NRG4: variants seen among roughly 807,000 people sequenced by gnomAD.
NRG4 encodes the protein neuregulin 4, also known as pro-neuregulin-4, membrane-bound isoform.
NRG4 carries 10 observed loss-of-function variants against 15.0 expected under a neutral mutation model. The ratio of observed to expected loss-of-function variants is 0.67; its 90% confidence interval spans 0.41 to 1.13. NRG4 has a LOEUF of 1.13. Among genes scored for constraint, NRG4 ranks in the 50% most tolerant of loss-of-function variants. The pLI is 0.00. For missense variants in NRG4, 139 were observed against 140.2 expected (o/e 0.99, Z 0.04); for synonymous variants, 41 against 50.1 (o/e 0.82, Z 0.77).
chr15:75,949,495 T>C (rs1202563977), intron 5 of NRG4, among the ~76,000 whole-genome samples: 1 of 152,202 alleles, frequency 6.6e-6, no homozygotes, highest in African/African-American at 2.4e-5. Flanking sequence ...CCTTTATCCA[T>C]CTTTTATATC....
At chr15:76,015,183 T>C (rs334948), upstream of NRG4, among the ~76,000 whole-genome samples, 2,083 of 152,230 alleles carry the variant, frequency 0.014, 46 homozygotes, top group African/African-American at 0.047. Context: ...GATTTTTGCA[T>C]ACTGATTTTG....
At chr15:75,963,820 G>A (rs572690586) in intron 3 of NRG4, among the ~76,000 whole-genome samples, 15 of 150,974 alleles carry the variant, frequency 9.9e-5, no homozygotes, top group East Asian at 3.9e-4. Flanking sequence ...GGTTGTACCC[G>A]TAGTCCCAGC....
At chr15:75,967,370 T>C (rs1461183006) in intron 3 of NRG4, among the ~76,000 whole-genome samples, 2 of 151,970 alleles carry the variant, frequency 1.3e-5, no homozygotes, top group African/African-American at 4.8e-5. Context: ...CACATTTATA[T>C]GACATTAGCA....
chr15:75,976,833 T>C (rs2033386662), intron 3 of NRG4, among the ~76,000 whole-genome samples: 1 of 152,238 alleles, frequency 6.6e-6, no homozygotes, highest in East Asian at 1.9e-4. Flanking sequence ...GGTGGCAGTC[T>C]GTCCCTTAGC....
intron 5 of NRG4, among the ~76,000 whole-genome samples, chr15:76,029,465 A>G (rs930033738): frequency 1.3e-5 from 2 of 152,198 alleles, no homozygotes; most frequent in Non-Finnish European, 2.9e-5. Context: ...GGGCATCCAA[A>G]TTAGAAAGGA....
intron 5 of NRG4, chr15:75,945,933 A>G (rs2031475264): frequency 6.6e-6 from 1 of 152,234 alleles, no homozygotes; most frequent in African/African-American, 2.4e-5. Flanking sequence ...TAAGATTAGC[A>G]ATAACTAATA....
At chr15:75,935,710 G>A (rs865856311), downstream of NRG4, 5 of 151,592 alleles carry the variant, frequency 3.3e-5, no homozygotes, top group African/African-American at 9.7e-5. Flanking sequence ...AGCAAAAGAC[G>A]TGCAACTGGT....
At chr15:76,049,129 T>C (rs1431094204) in intron 4 of NRG4, among the ~76,000 whole-genome samples, 1 of 150,700 alleles carries the variant, frequency 6.6e-6, no homozygotes, top group African/African-American at 2.5e-5. Context: ...TCAACCAGCC[T>C]AGTTACTTTT....
At chr15:75,989,295 A>G (rs2033918711) in intron 3 of NRG4, among the ~76,000 whole-genome samples, 2 of 152,122 alleles carry the variant, frequency 1.3e-5, no homozygotes, top group Non-Finnish European at 2.9e-5. Context: ...ATCTGGTTTC[A>G]GTTTACTTTT....
At chr15:75,999,736 A>G (rs922827666) in intron 3 of NRG4, among the ~76,000 whole-genome samples, 10 of 152,218 alleles carry the variant, frequency 6.6e-5, no homozygotes, top group African/African-American at 2.4e-4. Flanking sequence ...CTTAAAACAT[A>G]TACATAATCC....
At chr15:76,056,245 C>T (rs528628878) in intron 2 of NRG4, among the ~76,000 whole-genome samples, 8 of 151,994 alleles carry the variant, frequency 5.3e-5, no homozygotes, top group South Asian at 2.1e-4. Context: ...GTCAGGAGTT[C>T]GAGACCAGCC....
chr15:76,035,456 G>T (rs1262354138), intron 5 of NRG4, among the ~76,000 whole-genome samples: 1 of 152,112 alleles, frequency 6.6e-6, no homozygotes, highest in Admixed American at 6.5e-5. Context: ...AAATTAAGGT[G>T]AGCAATAGGG....
Position 75,943,439 on chromosome 15 carries a change from TAGC to T in NRG4, c.*196_*198del. ...AATTATACTGGTATCACCCCCTACTTAGCAGTTGCCGATGGACTGATGCACATT... is the reference window on the plus strand; with the variant it reads ...AATTATACTGGTATCACCCCCTACTTAGTTGCCGATGGACTGATGCACATT... On this transcript the variant is annotated 3_prime_UTR_variant, in exon 6 of 6. Transcript: ENST00000394907. 1.8e-6 allele frequency: 1 copy of T among 558,254 alleles called. No individual in the cohort carries two copies. Among genetic ancestry groups the T allele is most frequent in the Non-Finnish European group, 3.2e-6 (1 of 316,584 alleles). The allele number at this position is 558,254 out of a possible 1,614,324, so 34.6% of individuals were successfully genotyped here.
At chr15:76,007,369 T>C (rs1481681972) in intron 3 of NRG4, among the ~76,000 whole-genome samples, 1 of 151,732 alleles carries the variant, frequency 6.6e-6, no homozygotes, top group Non-Finnish European at 1.5e-5. Context: ...TTTATACCCA[T>C]GCAGCCATCA....
intron 5 of NRG4, among the ~76,000 whole-genome samples, chr15:75,944,329 T>C (rs544997388): frequency 2.3e-4 from 35 of 152,322 alleles, no homozygotes; most frequent in African/African-American, 8.4e-4. Context: ...CACAGGCATG[T>C]GGTGTGCATG....
At chr15:75,937,408 C>G (rs2030465275), downstream of NRG4, 1 of 146,190 alleles carries the variant, frequency 6.8e-6, no homozygotes, top group African/African-American at 2.5e-5. Context: ...ACTTGGGAGG[C>G]TGAGGCAGGA....
intron 3 of NRG4, among the ~76,000 whole-genome samples, chr15:76,000,120 A>G (rs1976328): frequency 0.077 from 11,764 of 152,070 alleles, 1,044 homozygotes; most frequent in African/African-American, 0.22. Flanking sequence ...CTGACCTCAG[A>G]TGATCCACCC....
intron 3 of NRG4, among the ~76,000 whole-genome samples, chr15:75,980,109 T>C (rs8030102): frequency 6.6e-6 from 1 of 152,256 alleles, no homozygotes; most frequent in Admixed American, 6.5e-5. Context: ...AAAATACATA[T>C]ATGAGAAAGA....
At chr15:75,960,689 T>C (rs1240040692) in intron 4 of NRG4, among the ~76,000 whole-genome samples, 2 of 152,136 alleles carry the variant, frequency 1.3e-5, no homozygotes, top group Non-Finnish European at 2.9e-5. Context: ...GGTGCCTGCC[T>C]AGATTCAAGG....
Sources: allele counts gnomAD v4.1 joint callset (sites outside exome capture counted in the v4.1 genomes callset), GRCh38; gene constraint gnomAD v4.1.1; transcripts MANE v1.5; gene names NCBI Gene and HGNC (gene_info 2026-07-23, HGNC 2026-07-21).